TCF12: variants seen among roughly 807,000 people sequenced by gnomAD.
TCF12 encodes DNA-binding protein HTF4.
TCF12 carries 45 observed loss-of-function variants against 86.0 expected under a neutral mutation model. That is an observed-to-expected ratio of 0.52 (90% confidence interval 0.41 to 0.67). The LOEUF is 0.67. Ranked by LOEUF, TCF12 falls within the 30% of genes least tolerant of loss-of-function variation. The pLI is 0.00. For missense variants in TCF12, 881 were observed against 859.9 expected (o/e 1.02, Z -0.31); for synonymous variants, 330 against 299.6 (o/e 1.10, Z -1.05).
intron 8 of TCF12, among the ~76,000 whole-genome samples, chr15:57,223,883 A>G (rs2058744499): frequency 6.6e-6 from 1 of 151,760 alleles, no homozygotes; most frequent in Non-Finnish European, 1.5e-5. Context: ...TGGGCCCAAA[A>G]GAGTTAAATC....
At chr15:56,971,897 G>T (rs1370033791) in intron 3 of TCF12, among the ~76,000 whole-genome samples, 1 of 152,146 alleles carries the variant, frequency 6.6e-6, no homozygotes, top group Non-Finnish European at 1.5e-5. Flanking sequence ...CTAGAGTTGG[G>T]TAGCGGGAGT....
At chr15:57,238,762 T>C (rs1305701597) in intron 12 of TCF12, among the ~76,000 whole-genome samples, 1 of 152,200 alleles carries the variant, frequency 6.6e-6, no homozygotes, top group African/African-American at 2.4e-5. Flanking sequence ...GGATTCAATG[T>C]TGACCAGTAT....
chr15:56,939,963 G>C (rs573159285), intron 3 of TCF12, among the ~76,000 whole-genome samples: 61 of 131,602 alleles, frequency 4.6e-4, no homozygotes, highest in African/African-American at 1.7e-3. Context: ...TACTTTAATA[G>C]CGTGTTTTTT....
intron 5 of TCF12, among the ~76,000 whole-genome samples, chr15:57,098,882 A>G (rs1433641495): frequency 1.3e-5 from 2 of 152,194 alleles, no homozygotes; most frequent in African/African-American, 4.8e-5. Flanking sequence ...CACCTTGCAA[A>G]TGTTTCGTTG....
At chr15:57,211,598 G>A (rs2058101834) in intron 8 of TCF12, among the ~76,000 whole-genome samples, 1 of 152,112 alleles carries the variant, frequency 6.6e-6, no homozygotes. Flanking sequence ...TTTTGGTTCA[G>A]CCTTTCATTT....
At position 57,000,210 on chromosome 15, in the gene TCF12, T is replaced by C. The variant is rs2063942914; in HGVS notation, c.149-63540T>C. On this transcript the variant is annotated intron_variant, in intron 3 of 20. Transcript: ENST00000333725. ...AAATTTTAAAGACAGGATCTCTCTC[T>C]ATCACCAGGGATGGAGTGCAGTGGC... Among the ~76,000 whole-genome samples, 3 of 152,158 alleles carry C rather than the reference T, an allele frequency of 2.0e-5. No individual in the cohort carries two copies. In the South Asian group the frequency reaches 6.2e-4, roughly 32 times the overall value.
At chr15:56,951,338 TTTATC>T (rs2061265910) in intron 3 of TCF12, among the ~76,000 whole-genome samples, 1 of 152,206 alleles carries the variant, frequency 6.6e-6, no homozygotes, top group African/African-American at 2.4e-5. Context: ...CTTGCTATCT[TTTATC>T]TTGTTTGCTG....
intron 12 of TCF12, among the ~76,000 whole-genome samples, chr15:57,235,745 A>C (rs982440668): frequency 2.6e-5 from 4 of 152,200 alleles, no homozygotes; most frequent in African/African-American, 9.6e-5. Flanking sequence ...TTTCAGTGCT[A>C]GATAATTTTT....
chr15:57,021,251 G>T (rs1011986830), intron 3 of TCF12, among the ~76,000 whole-genome samples: 3 of 152,204 alleles, frequency 2.0e-5, no homozygotes, highest in African/African-American at 7.2e-5. Context: ...GGGGCAGAAC[G>T]TTGATCGTGT....
At chr15:57,087,458 GT>G (rs1385076493) in intron 4 of TCF12, among the ~76,000 whole-genome samples, 1 of 150,578 alleles carries the variant, frequency 6.6e-6, no homozygotes, top group Non-Finnish European at 1.5e-5. Flanking sequence ...ATTATGTGCT[GT>G]TTAGTTTAAA....
At chr15:56,951,196 A>G (rs183804155) in intron 3 of TCF12, among the ~76,000 whole-genome samples, 1 of 152,256 alleles carries the variant, frequency 6.6e-6, no homozygotes, top group East Asian at 1.9e-4. Context: ...TCCTCTATAT[A>G]CTTTCTAATG....
chr15:57,042,486 T>C (rs1188017891), intron 3 of TCF12, among the ~76,000 whole-genome samples: 13 of 152,222 alleles, frequency 8.5e-5, no homozygotes, highest in Non-Finnish European at 1.5e-4. Context: ...CAGTCATTGC[T>C]CACTGTGACC....
intron 6 of TCF12, among the ~76,000 whole-genome samples, chr15:57,191,745 C>A (rs1458159778): frequency 1.3e-5 from 2 of 152,046 alleles, no homozygotes; most frequent in Non-Finnish European, 2.9e-5. Flanking sequence ...TGAGTCCAGT[C>A]TGGCCCACAT....
chr15:56,947,144 A>G (rs906259465), intron 3 of TCF12, among the ~76,000 whole-genome samples: 21 of 152,180 alleles, frequency 1.4e-4, no homozygotes, highest in African/African-American at 4.6e-4. Flanking sequence ...ATTGCTAAGC[A>G]TTCTGAGGTC....
chr15:57,100,374 C>T (rs191507153), intron 5 of TCF12, among the ~76,000 whole-genome samples: 3 of 151,498 alleles, frequency 2.0e-5, no homozygotes, highest in Non-Finnish European at 4.4e-5. Flanking sequence ...CCTAGAGCAG[C>T]ATTAACAGAT....
At chr15:57,157,958 C>T (rs2054231346) in intron 5 of TCF12, among the ~76,000 whole-genome samples, 1 of 152,028 alleles carries the variant, frequency 6.6e-6, no homozygotes, top group Admixed American at 6.5e-5. Context: ...CCACCCACCT[C>T]ACCCTCTCAA....
intron 17 of TCF12, 47 bp downstream of exon 17, chr15:57,262,255 T>C (rs2060624719): frequency 7.8e-7 from 1 of 1,286,710 alleles, no homozygotes; most frequent in African/African-American, 1.5e-5. Context: ...AGAGATATCA[T>C]TTGGAACACT....
At chr15:57,141,156 C>T (rs1453621989) in intron 5 of TCF12, among the ~76,000 whole-genome samples, 1 of 152,190 alleles carries the variant, frequency 6.6e-6, no homozygotes, top group Non-Finnish European at 1.5e-5. Flanking sequence ...TACTTCTCCA[C>T]TGGTATCAAA....
chr15:57,187,160 G>C (rs1369315089), intron 6 of TCF12, among the ~76,000 whole-genome samples: 1 of 126,704 alleles, frequency 7.9e-6, no homozygotes, highest in Non-Finnish European at 1.6e-5. Context: ...GCCTGAGTGA[G>C]AGTAAGACTG....
Sources: gnomAD v4.1 joint callset for allele counts (sites outside exome capture counted in the v4.1 genomes callset) on GRCh38, gnomAD v4.1.1 for gene constraint, MANE v1.5 for transcripts, NCBI Gene and HGNC (gene_info 2026-07-23, HGNC 2026-07-21) for gene names.